CYFIP1: variants seen among roughly 807,000 people sequenced by gnomAD.
The protein encoded by CYFIP1 is cytoplasmic FMR1 interacting protein 1.
A neutral mutation model predicts 163.5 loss-of-function variants in CYFIP1; 58 were observed. The observed-to-expected ratio is 0.35, with a 90% CI of 0.29 to 0.44. The LOEUF (loss-of-function observed/expected upper bound fraction) is 0.44, where lower values mean the gene tolerates loss of function less well. Among genes scored for constraint, CYFIP1 ranks in the 20% least tolerant of loss-of-function variants. The pLI is 1.00. For synonymous variants in CYFIP1, 663 were observed against 660.7 expected, an observed-to-expected ratio of 1.00 and a Z score of -0.05; for missense variants, 1,338 against 1,653.8, an observed-to-expected ratio of 0.81 and a Z score of 3.31.
intron 4 of CYFIP1, 45 bp from the exon 5 acceptor site, chr15:22,944,704 C>T: frequency 6.4e-7 from 1 of 1,572,946 alleles, no homozygotes; most frequent in African/African-American, 1.3e-5. Flanking sequence ...TTTGATCCAG[C>T]CAGAAGCAGC....
intron 26 of CYFIP1, among the ~76,000 whole-genome samples, chr15:22,878,664 G>A (rs185667975): frequency 7.1e-6 from 1 of 140,452 alleles, no homozygotes; most frequent in Admixed American, 7.3e-5. Flanking sequence ...TCCATGTGCA[G>A]ATGGTAGATT....
intron 30 of CYFIP1, among the ~76,000 whole-genome samples, chr15:22,871,393 GAACT>G (rs1346547565): frequency 5.3e-5 from 8 of 152,204 alleles, no homozygotes; most frequent in Non-Finnish European, 1.2e-4. Flanking sequence ...TTTAAAAAGT[GAACT>G]AATAATATTT....
rs60879784 is a variant in CYFIP1 at position 22,964,274 on chromosome 15, CCACACACA to C, written c.-7+16005_-7+16012del. ...TGCAGAGTGAGTCCACTCCTCCTCA[CCACACACA>C]CACACACACACACACACACACACAC... On this transcript the variant is annotated intron_variant, in intron 1 of 30. Coordinates refer to ENST00000617928, the MANE Select transcript of CYFIP1 (RefSeq NM_014608.6). Among the ~76,000 whole-genome samples the C allele has an allele frequency of 6.8e-3, 665 of 97,170 alleles. 6 individuals are homozygous for C. The highest frequency in any genetic ancestry group is 0.013 in the African/African-American group (312 of 24,330). The allele number at this position is 97,170 out of a possible 152,430, so 63.7% of individuals were successfully genotyped here.
At chr15:22,965,599 C>G (rs543249418) in intron 1 of CYFIP1, among the ~76,000 whole-genome samples, 1 of 152,342 alleles carries the variant, frequency 6.6e-6, no homozygotes, top group Admixed American at 6.5e-5. Context: ...GATGCCCACA[C>G]AATGACAAAA....
At position 22,917,972 on chromosome 15, in the gene CYFIP1, G is replaced by C. The variant is rs748604105; in HGVS notation, c.1527-37C>G. On this transcript the variant is annotated intron_variant, in intron 14 of 30. Coordinates refer to ENST00000617928, the MANE Select transcript of CYFIP1 (RefSeq NM_014608.6). The surrounding 1 kb of genome is among the most constrained non-coding windows in gnomAD (Gnocchi z 4.2). ...ACCAAGTGATCAGCAAGGCCCAGAG[G>C]CCGAGACCTCCAGCCTCACAATCAC... 1 of 1,598,926 alleles carries C rather than the reference G, an allele frequency of 6.3e-7. No homozygotes were observed. Among genetic ancestry groups the C allele is most frequent in the East Asian group, 2.3e-5 (1 of 44,312 alleles).
At chr15:22,976,209 C>G (rs966648238) in intron 1 of CYFIP1, among the ~76,000 whole-genome samples, 4 of 151,596 alleles carry the variant, frequency 2.6e-5, no homozygotes, top group Non-Finnish European at 2.9e-5. Flanking sequence ...CCAGGCTGGA[C>G]TGCAGTGGCG....
rs200275853 is a variant in CYFIP1, at chr15:22,925,928, G to A, written c.1359+54C>T. 1.1e-3 allele frequency: 1,682 copies of A among 1,596,054 alleles called. 2 individuals carry two copies. The highest frequency in any genetic ancestry group is 1.3e-3 in the South Asian group (114 of 90,142). ...TCATGTTTTTGCTTTTGACAGAGAA[G>A]ATGGTGTGAAGCTAGAGCGACATGA... is the stretch of plus-strand genomic sequence containing the variant. On this transcript the variant is annotated intron_variant, in intron 13 of 30. Coordinates refer to ENST00000617928, the MANE Select transcript of CYFIP1 (RefSeq NM_014608.6).
intron 22 of CYFIP1, among the ~76,000 whole-genome samples, chr15:22,898,859 C>T (rs996202093): frequency 2.0e-5 from 3 of 152,010 alleles, no homozygotes; most frequent in Non-Finnish European, 2.9e-5. Context: ...AAAAATTAGC[C>T]GGGCGTGGTG....
At chr15:22,912,950 CT>C (rs145642878) in intron 17 of CYFIP1, among the ~76,000 whole-genome samples, 21,330 of 151,946 alleles carry the variant, frequency 0.14, 1,520 homozygotes, top group East Asian at 0.21. Context: ...AACTCCAGCA[CT>C]TTAGGTGGAT....
intron 22 of CYFIP1, among the ~76,000 whole-genome samples, chr15:22,894,771 AATAC>A (rs1418032943): frequency 6.7e-6 from 1 of 148,818 alleles, no homozygotes; most frequent in African/African-American, 2.4e-5. Flanking sequence ...TTTTAATCAA[AATAC>A]ATATATATGA....
At chr15:22,926,288 T>C (rs2061355316) in intron 12 of CYFIP1, among the ~76,000 whole-genome samples, 181 bp from the exon 13 acceptor site, 1 of 152,202 alleles carries the variant, frequency 6.6e-6, no homozygotes, top group Non-Finnish European at 1.5e-5. Flanking sequence ...ACCCTGGCCC[T>C]GTAACCTCTC....
At chr15:22,927,383 T>C (rs2061388024) in intron 12 of CYFIP1, among the ~76,000 whole-genome samples, 1 of 148,294 alleles carries the variant, frequency 6.7e-6, no homozygotes, top group Non-Finnish European at 1.5e-5. Flanking sequence ...CTCAGGAGGC[T>C]GAGGCAGGAG....
chr15:22,972,084 C>T (rs551924230), intron 1 of CYFIP1, among the ~76,000 whole-genome samples: 1 of 152,246 alleles, frequency 6.6e-6, no homozygotes, highest in Admixed American at 6.5e-5. Context: ...CTTGGAATAG[C>T]AAAAGCTATC....
At chr15:22,875,054 T>C in intron 27 of CYFIP1, 145 bp downstream of exon 27, 1 of 699,632 alleles carries the variant, frequency 1.4e-6, no homozygotes, top group Non-Finnish European at 2.5e-6. Flanking sequence ...AACTAGGTTC[T>C]GTACACTCCT....
intron 1 of CYFIP1, among the ~76,000 whole-genome samples, chr15:22,957,298 C>A (rs1286351987): frequency 1.3e-5 from 2 of 151,994 alleles, no homozygotes; most frequent in Non-Finnish European, 2.9e-5. Context: ...GTCAGGAGAT[C>A]TAGACAATCC....
At chr15:22,941,185 AGCTGGGACCACAGGTGCAT>A (rs2061883107) in intron 6 of CYFIP1, among the ~76,000 whole-genome samples, 1 of 152,046 alleles carries the variant, frequency 6.6e-6, no homozygotes, top group East Asian at 1.9e-4. Context: ...CGTCCCAAGT[AGCTGGGACCACAGGTGCAT>A]GCCACCACAC....
intron 21 of CYFIP1, among the ~76,000 whole-genome samples, chr15:22,908,599 GGCTCACT>G (rs1269056345): frequency 7.2e-6 from 1 of 138,844 alleles, no homozygotes; most frequent in Non-Finnish European, 1.5e-5. Flanking sequence ...GCGCGATCTG[GGCTCACT>G]GCAACCCTGC....
intron 11 of CYFIP1, among the ~76,000 whole-genome samples, chr15:22,929,064 T>C (rs1408910873): frequency 1.3e-5 from 2 of 150,116 alleles, no homozygotes; most frequent in Non-Finnish European, 3.0e-5. Flanking sequence ...ACCAAAAATA[T>C]AAAAAAGTAG....
intron 23 of CYFIP1, among the ~76,000 whole-genome samples, chr15:22,892,597 G>A (rs2060111738): frequency 6.6e-6 from 1 of 152,134 alleles, no homozygotes; most frequent in African/African-American, 2.4e-5. Flanking sequence ...TCTCACTTGT[G>A]TTTGTGCTGG....
Sources: gnomAD v4.1 joint callset for allele counts (sites outside exome capture counted in the v4.1 genomes callset) on GRCh38, gnomAD v4.1.1 for gene constraint, Gnocchi (gnomAD v3.1) non-coding constraint, MANE v1.5 for transcripts, NCBI Gene and HGNC (gene_info 2026-07-23, HGNC 2026-07-21) for gene names.